MYOM3: variants seen among roughly 807,000 people sequenced by gnomAD.
MYOM3 encodes the protein myomesin-3.
Under a neutral mutation model 191.7 loss-of-function variants are expected in MYOM3, and 155 were observed. That is an observed-to-expected ratio of 0.81 (90% confidence interval 0.71 to 0.92). The LOEUF (loss-of-function observed/expected upper bound fraction) is 0.92, where lower values mean the gene tolerates loss of function less well. MYOM3 is among the 40% of genes least tolerant of loss of function. The probability of loss-of-function intolerance (pLI) is 0.00; values close to 1 mark genes in which losing one functional copy is unlikely to be tolerated. For missense variants in MYOM3, 1,889 were observed against 1,890.6 expected (o/e 1.00, Z 0.02); for synonymous variants, 757 against 762.9 (o/e 0.99, Z 0.13).
intron 25 of MYOM3, among the ~76,000 whole-genome samples, chr1:24,069,208 A>C (rs1643492481): frequency 6.6e-6 from 1 of 152,116 alleles, no homozygotes; most frequent in South Asian, 2.1e-4. Context: ...CTTTATTTGT[A>C]TGTATGATTT....
intron 6 of MYOM3, 82 bp from the exon 7 acceptor site, chr1:24,098,093 G>T (rs993356467): frequency 7.8e-6 from 7 of 899,754 alleles, no homozygotes; most frequent in Non-Finnish European, 1.3e-5. Flanking sequence ...GGTGGGAAAG[G>T]CTGGAACTAA....
intron 7 of MYOM3, 24 bp downstream of exon 7, chr1:24,097,899 C>T (rs753615609): frequency 3.9e-6 from 6 of 1,526,400 alleles, no homozygotes; most frequent in Non-Finnish European, 4.5e-6. Context: ...GCCCGGAGTG[C>T]CTGTTGGGGT....
chr1:24,062,741 G>A (rs1643385672), intron 32 of MYOM3, among the ~76,000 whole-genome samples: 1 of 152,074 alleles, frequency 6.6e-6, no homozygotes, highest in Non-Finnish European at 1.5e-5. Flanking sequence ...GGCCCACAAG[G>A]GTCCCCTGAC....
rs746845095 is a variant in MYOM3 at position 24,106,059 on chromosome 1, C to T, written c.421G>A (p.Glu141Lys). ...CACAGCTCCCTCAGCTCCTTGGCCT[C>T]CTGGACCTTCTCCTCTGTCTGGAGG... is the stretch of plus-strand genomic sequence containing the variant. ...LRRRTEEKVQEAKELRELCYG... is the reference protein window; with the variant it reads ...LRRRTEEKVQKAKELRELCYG... The change falls in exon 5 of 37, where the codon GAG becomes AAG. Residue 141 changes from glutamate (E) to lysine (K), a missense_variant. Coordinates refer to ENST00000374434, the MANE Select transcript of MYOM3 (RefSeq NM_152372.4). 1 of 1,612,540 alleles carries T rather than the reference C, an allele frequency of 6.2e-7. No homozygotes were observed. The highest frequency in any genetic ancestry group is 2.2e-5 in the East Asian group (1 of 44,860).
At chr1:24,065,716 C>A in intron 29 of MYOM3, 175 bp downstream of exon 29, 1 of 661,958 alleles carries the variant, frequency 1.5e-6, no homozygotes, top group Non-Finnish European at 2.7e-6. Context: ...ATATTGCATA[C>A]AATATTATTT....
chr1:24,079,821 T>C (rs1394673805), intron 20 of MYOM3, among the ~76,000 whole-genome samples, 195 bp downstream of exon 20: 2 of 152,172 alleles, frequency 1.3e-5, no homozygotes, highest in Non-Finnish European at 2.9e-5. Flanking sequence ...CTGCCTAGCA[T>C]GGAGCAGGAT....
chr1:24,067,432 TTCC>T, intron 27 of MYOM3, among the ~76,000 whole-genome samples: 1 of 120,120 alleles, frequency 8.3e-6, no homozygotes, highest in Non-Finnish European at 1.7e-5. Context: ...CCTTCCTTCC[TTCC>T]TTCCTTCCTT....
At chr1:24,105,899 C>T (rs1454453015) in intron 5 of MYOM3, 21 bp downstream of exon 5, 3 of 1,588,362 alleles carry the variant, frequency 1.9e-6, no homozygotes, top group Middle Eastern at 1.9e-4. Context: ...CCCAGAACCC[C>T]TTCCTGCCCC....
At position 24,067,993 on chromosome 1, in the gene MYOM3, C is replaced by G; in HGVS notation, c.3332G>C (p.Arg1111Thr). 1.2e-6 allele frequency: 2 copies of G among 1,614,244 alleles called. No individual in the cohort carries two copies. Among genetic ancestry groups the G allele is most frequent in the Non-Finnish European group, 8.5e-7 (1 of 1,180,044 alleles). Residue 1111 changes from arginine (R) to threonine (T), a missense_variant, in exon 27 of 37, where the codon AGA becomes ACA. Arg to Thr is a moderately conservative substitution (Grantham distance 71, BLOSUM62 -1). Coordinates refer to ENST00000374434, the MANE Select transcript of MYOM3 (RefSeq NM_152372.4). ...DKLLRKADAK[R>T]RDWKRKQGPY... is the part of the protein sequence containing the mutation. ...ACCCTGTTTTCTCTTCCAGTCCCTT[C>G]TCTTAGCATCTGCCTTCCTCAGAAG...
intron 20 of MYOM3, 38 bp from the exon 21 acceptor site, chr1:24,076,311 A>T (rs763592620): frequency 6.7e-7 from 1 of 1,500,318 alleles, no homozygotes; most frequent in Non-Finnish European, 9.3e-7. Flanking sequence ...TGAGGACAGC[A>T]GTGACTCTTC....
At position 24,098,007 on chromosome 1, in the gene MYOM3, C is replaced by T. The variant is rs565923753; in HGVS notation, c.661G>A (p.Ala221Thr). 17 of 1,608,956 alleles carry T rather than the reference C, an allele frequency of 1.1e-5. No homozygotes were observed. The highest frequency in any genetic ancestry group is 5.5e-5 in the South Asian group (5 of 90,970). ...GLLSLEIRRC[A>T]IEDSATYTVR... ...GTGTAAGTTGCTGAGTCCTCAATGG[C>T]GCATCTGAAAAGGAGAGAGGGAGAA... The change falls in exon 7 of 37, where the codon GCC becomes ACC. Residue 221 changes from alanine to threonine, a missense_variant. Ala to Thr is a moderately conservative substitution (Grantham distance 58, BLOSUM62 0). Coordinates refer to ENST00000374434, the MANE Select transcript of MYOM3 (RefSeq NM_152372.4).
At position 24,062,116 on chromosome 1, in the gene MYOM3, G is replaced by A. The variant is rs748355016; in HGVS notation, c.3771-7C>T. On this transcript the variant is annotated splice_polypyrimidine_tract_variant and splice_region_variant and intron_variant, in intron 32 of 36. Coordinates refer to ENST00000374434, the MANE Select transcript of MYOM3 (RefSeq NM_152372.4). ...ACTCTCCAGACGTTTGTCTCTGAAT[G>A]TGAGGGTGGAGAAATGGTTAAGGCT... The A allele has an allele frequency of 8.1e-6, 13 of 1,613,682 alleles. No homozygotes were observed. In the Admixed American group the frequency reaches 1.8e-4, roughly 23 times the overall value.
At chr1:24,109,107 C>T (rs967915458) in intron 1 of MYOM3, among the ~76,000 whole-genome samples, 1 of 152,248 alleles carries the variant, frequency 6.6e-6, no homozygotes, top group Non-Finnish European at 1.5e-5. Context: ...ATGTTCAGTC[C>T]TACCTCTGGG....
chr1:24,078,440 A>G lies in MYOM3; in HGVS notation c.2586+1576T>C, dbSNP rs144967397. On this transcript the variant is annotated intron_variant, in intron 20 of 36. Coordinates refer to ENST00000374434, the MANE Select transcript of MYOM3 (RefSeq NM_152372.4). The stretch of plus-strand genomic sequence containing the variant: ...AGCCAAAATCTTTTTAGACTTTTAC[A>G]AGGACATAATCCATGTAGAAACAGG... Among the ~76,000 whole-genome samples, 257 of 152,324 alleles carry G rather than the reference A, an allele frequency of 1.7e-3. 7 individuals are homozygous for G. In the East Asian group the frequency reaches 0.037, roughly 22 times the overall value.
rs149419182 is a variant in MYOM3, at chr1:24,107,360, G to T, written c.243-128C>A. ...ACTTTTGGAGGACATGCATGATTTT[G>T]CATCTTCCCTTGCCTCCAAAACAGC... On this transcript the variant is annotated intron_variant, in intron 3 of 36. Coordinates refer to ENST00000374434, the MANE Select transcript of MYOM3 (RefSeq NM_152372.4). 1,319 of 827,482 alleles carry T rather than the reference G, an allele frequency of 1.6e-3. 9 individuals are homozygous for T. The highest frequency in any genetic ancestry group is 9.8e-3 in the Middle Eastern group (32 of 3,262). The allele number at this position is 827,482 out of a possible 1,614,324, so 51.3% of individuals were successfully genotyped here. A position where few individuals can be genotyped will look rare whatever the true frequency, so the allele number is the denominator to read the frequency against.
chr1:24,105,815 A>G (rs1643977273), intron 5 of MYOM3, 105 bp downstream of exon 5: 2 of 1,193,108 alleles, frequency 1.7e-6, no homozygotes, highest in African/African-American at 1.5e-5. Flanking sequence ...GACAGAGCTC[A>G]GGGTTCACAG....
chr1:24,104,910 G>A (rs909079894), intron 5 of MYOM3, among the ~76,000 whole-genome samples: 10 of 152,188 alleles, frequency 6.6e-5, no homozygotes, highest in African/African-American at 2.2e-4. Context: ...TTTGTTGAAA[G>A]CCCTTCCTCA....
intron 20 of MYOM3, among the ~76,000 whole-genome samples, chr1:24,077,814 G>A (rs1334880442): frequency 6.6e-6 from 1 of 152,212 alleles, no homozygotes; most frequent in Non-Finnish European, 1.5e-5. Context: ...CACCTAGGCT[G>A]TCCCGCCCTG....
At chr1:24,105,429 G>A (rs1643973968) in intron 5 of MYOM3, among the ~76,000 whole-genome samples, 4 of 152,182 alleles carry the variant, frequency 2.6e-5, no homozygotes. Flanking sequence ...CCCACCCACT[G>A]TCTCCCTGCT....
Sources: gnomAD v4.1 joint callset for allele counts (sites outside exome capture counted in the v4.1 genomes callset) on GRCh38, gnomAD v4.1.1 for gene constraint, MANE v1.5 for transcripts, NCBI Gene and HGNC (gene_info 2026-07-23, HGNC 2026-07-21) for gene names.